The following APBA2 variants were observed in gnomAD, a reference collection of about 807,000 sequenced individuals.
APBA2 encodes amyloid beta precursor protein binding family A member 2, also known as amyloid-beta A4 precursor protein-binding family A member 2.
In APBA2, 30 loss-of-function variants were observed where a neutral mutation model predicts 75.0. The observed-to-expected ratio is 0.40, with a 90% CI of 0.30 to 0.54. The LOEUF is 0.54. Ranked by LOEUF, APBA2 falls within the 20% of genes least tolerant of loss-of-function variation. APBA2 has a pLI of 0.49. For missense variants in APBA2, 801 were observed against 1,016.1 expected, an observed-to-expected ratio of 0.79 and a Z score of 2.88; for synonymous variants, 444 against 409.6, an observed-to-expected ratio of 1.08 and a Z score of -1.01.
chr15:28,933,924 G>T (rs2034703064), intron 2 of APBA2, among the ~76,000 whole-genome samples: 1 of 152,208 alleles, frequency 6.6e-6, no homozygotes, highest in Non-Finnish European at 1.5e-5. Flanking sequence ...AGGAAGAAGT[G>T]ACTGTGTGCC....
At chr15:28,954,095 A>C (rs2036036495) in intron 2 of APBA2, among the ~76,000 whole-genome samples, 1 of 152,044 alleles carries the variant, frequency 6.6e-6, no homozygotes, top group South Asian at 2.1e-4. Flanking sequence ...CTTGGAGCCA[A>C]CCTTGACTCC....
chr15:28,998,516 G>T (rs756924519), intron 3 of APBA2, among the ~76,000 whole-genome samples: 3 of 152,094 alleles, frequency 2.0e-5, no homozygotes, highest in Non-Finnish European at 4.4e-5. Flanking sequence ...CCAAAGAAAG[G>T]CATGGAAATT....
intron 11 of APBA2, 150 bp downstream of exon 11, chr15:29,105,708 C>T: frequency 1.2e-6 from 1 of 825,000 alleles, no homozygotes; most frequent in Non-Finnish European, 2.0e-6. Context: ...CTCGCTCCTG[C>T]CTTCCAGCTG....
intron 3 of APBA2, among the ~76,000 whole-genome samples, chr15:29,050,313 T>A (rs537104315): frequency 6.6e-6 from 1 of 152,262 alleles, no homozygotes. Flanking sequence ...AGAGCCATTT[T>A]ATAGATACAA....
Position 28,925,054 on chromosome 15 carries a change from G to A in APBA2, c.-95+3305G>A, listed in dbSNP as rs189854719. On this transcript the variant is annotated intron_variant, in intron 2 of 14. Transcript: ENST00000683413. ...CTTTATCAAGCTGAAGATGGTCTCT[G>A]CCTCATTTAGTGAGTGGTTTTTAAT... is the stretch of plus-strand genomic sequence containing the variant. 1.1e-3 allele frequency among the ~76,000 whole-genome samples: 171 copies of A among 152,182 alleles called. 1 individual carries two copies. The highest frequency in any genetic ancestry group is 4.0e-3 in the African/African-American group (165 of 41,506).
chr15:29,016,712 T>C (rs1248665255), intron 3 of APBA2, among the ~76,000 whole-genome samples: 1 of 152,130 alleles, frequency 6.6e-6, no homozygotes, highest in Non-Finnish European at 1.5e-5. Context: ...CTGCTCTTTT[T>C]TTCTGTCCAT....
chr15:28,906,230 C>T (rs2033126458), intron 1 of APBA2, among the ~76,000 whole-genome samples: 1 of 152,096 alleles, frequency 6.6e-6, no homozygotes, highest in Non-Finnish European at 1.5e-5. Flanking sequence ...AATACACCTG[C>T]AGAATGTATG....
chr15:29,090,736 G>T (rs1466038846), intron 6 of APBA2, among the ~76,000 whole-genome samples: 1 of 152,196 alleles, frequency 6.6e-6, no homozygotes, highest in Admixed American at 6.5e-5. Context: ...ACTGCATTGG[G>T]CCCCACTGGG....
chr15:29,004,632 G>A (rs2152806172), intron 3 of APBA2, among the ~76,000 whole-genome samples: 1 of 152,194 alleles, frequency 6.6e-6, no homozygotes, highest in East Asian at 1.9e-4. Context: ...ATAACGCACG[G>A]CTGCTCGAAC....
At chr15:29,108,572 C>A in intron 13 of APBA2, 183 bp downstream of exon 13, 1 of 922,856 alleles carries the variant, frequency 1.1e-6, no homozygotes, top group Non-Finnish European at 1.6e-6. Flanking sequence ...GAGGTCCTGG[C>A]TAGAAGGGGA....
At chr15:28,909,704 T>C (rs1436661788) in intron 1 of APBA2, among the ~76,000 whole-genome samples, 2 of 152,150 alleles carry the variant, frequency 1.3e-5, no homozygotes, top group Non-Finnish European at 2.9e-5. Context: ...AGGAGCCAGT[T>C]CCTGCCCCCA....
At chr15:29,047,124 G>A (rs1218808372) in intron 3 of APBA2, among the ~76,000 whole-genome samples, 19 of 152,178 alleles carry the variant, frequency 1.2e-4, no homozygotes. Flanking sequence ...AGTAAACAGA[G>A]GTCTGAATTG....
chr15:28,893,632 A>G (rs1011326436), intron 1 of APBA2, among the ~76,000 whole-genome samples: 3 of 152,116 alleles, frequency 2.0e-5, no homozygotes, highest in Non-Finnish European at 4.4e-5. Context: ...CTGCCTGTGA[A>G]CTTTCTCTAC....
chr15:29,012,532 C>A (rs573780881), intron 3 of APBA2, among the ~76,000 whole-genome samples: 1 of 152,316 alleles, frequency 6.6e-6, no homozygotes, highest in East Asian at 1.9e-4. Context: ...AGTATCTACA[C>A]AAATTATTTG....
chr15:28,908,955 C>T (rs1007478999), intron 1 of APBA2, among the ~76,000 whole-genome samples: 3 of 151,766 alleles, frequency 2.0e-5, no homozygotes, highest in Non-Finnish European at 4.4e-5. Context: ...CTTCCACCTC[C>T]CCCAGCCCCC....
chr15:29,018,306 G>A (rs559695473), intron 3 of APBA2, among the ~76,000 whole-genome samples: 5 of 152,282 alleles, frequency 3.3e-5, no homozygotes, highest in Admixed American at 2.6e-4. Context: ...TATAATTACC[G>A]TGCAGCGAAA....
At chr15:29,013,230 C>T (rs2039488209) in intron 3 of APBA2, among the ~76,000 whole-genome samples, 1 of 150,410 alleles carries the variant, frequency 6.6e-6, no homozygotes, top group Non-Finnish European at 1.5e-5. Flanking sequence ...AGCAACTATC[C>T]TGAGTAACGA....
intron 1 of APBA2, among the ~76,000 whole-genome samples, chr15:28,911,596 A>C (rs538336688): frequency 5.9e-5 from 9 of 152,196 alleles, no homozygotes; most frequent in Non-Finnish European, 1.0e-4. Flanking sequence ...TGTTCATCTC[A>C]ATAGAGCTTT....
intron 1 of APBA2, among the ~76,000 whole-genome samples, chr15:28,909,867 G>T (rs1243023093): frequency 1.3e-5 from 2 of 152,178 alleles, no homozygotes; most frequent in African/African-American, 4.8e-5. Context: ...CTCTTAGAAG[G>T]ATCTCTTTTA....
Sources: gnomAD v4.1 joint callset for allele counts (sites outside exome capture counted in the v4.1 genomes callset) on GRCh38, gnomAD v4.1.1 for gene constraint, MANE v1.5 for transcripts, NCBI Gene and HGNC (gene_info 2026-07-23, HGNC 2026-07-21) for gene names.